The following CDH26 variants were observed in gnomAD, a reference collection of about 807,000 sequenced individuals.
CDH26 encodes cadherin-like protein 26.
A neutral mutation model predicts 90.3 loss-of-function variants in CDH26; 83 were observed. The ratio of observed to expected loss-of-function variants is 0.92; its 90% CI spans 0.77 to 1.10. The LOEUF is 1.10. CDH26 is among the 50% of genes least tolerant of loss of function. The pLI, the probability that CDH26 is intolerant of heterozygous loss-of-function variation, is 0.00. For synonymous variants in CDH26, 397 were observed against 396.3 expected, an observed-to-expected ratio of 1.00 and a Z score of -0.02; for missense variants, 1,013 against 1,037.6, an observed-to-expected ratio of 0.98 and a Z score of 0.33.
intron 1 of CDH26, among the ~76,000 whole-genome samples, chr20:59,967,837 CT>C (rs2061173645): frequency 1.3e-5 from 1 of 76,012 alleles, no homozygotes; most frequent in Non-Finnish European, 2.2e-5. Flanking sequence ...TTCTTTCTTT[CT>C]TTCTTTCTTT....
intron 14 of CDH26, 45 bp from the exon 15 acceptor site, chr20:60,001,298 A>G (rs2061673749): frequency 6.2e-7 from 1 of 1,612,274 alleles, no homozygotes; most frequent in Non-Finnish European, 8.5e-7. Flanking sequence ...TTCCAGCTGG[A>G]GAGAAATCCA....
chr20:60,013,934 T>A lies in CDH26; in HGVS notation c.*1204T>A, dbSNP rs1351082654. On this transcript the variant is annotated 3_prime_UTR_variant, in exon 18 of 18. Transcript: ENST00000348616. ...GGAATGTCTGAATGGGACGCTTGAATGTGTAGAACAGCTGTACTGATCCTA... is the reference window on the plus strand; with the variant it reads ...GGAATGTCTGAATGGGACGCTTGAAAGTGTAGAACAGCTGTACTGATCCTA... 2 of 152,076 alleles carry A rather than the reference T, an allele frequency of 1.3e-5. No homozygotes were observed. Among genetic ancestry groups the A allele is most frequent in the African/African-American group, 2.4e-5 (1 of 41,412 alleles). 9.4% of individuals were successfully genotyped at this position (152,076 alleles called of 1,614,324 possible).
intron 17 of CDH26, among the ~76,000 whole-genome samples, chr20:60,008,252 G>C (rs1368724092): frequency 6.6e-6 from 1 of 152,192 alleles, no homozygotes; most frequent in Non-Finnish European, 1.5e-5. Context: ...CTTTGTTGTA[G>C]ACTCTGTTCT....
chr20:59,991,775 C>T (rs2061530811), intron 9 of CDH26, among the ~76,000 whole-genome samples: 3 of 152,140 alleles, frequency 2.0e-5, no homozygotes. Flanking sequence ...GCGGTGCCCT[C>T]AACAGGTAGC....
intron 1 of CDH26, among the ~76,000 whole-genome samples, chr20:59,967,845 CT>C (rs2061174617): frequency 1.1e-5 from 1 of 89,074 alleles, no homozygotes; most frequent in Non-Finnish European, 2.0e-5. Flanking sequence ...TTCTTTCTTT[CT>C]TTCTTTCTTT....
At chr20:59,963,859 A>G (rs532845150) in intron 1 of CDH26, among the ~76,000 whole-genome samples, 1 of 142,664 alleles carries the variant, frequency 7.0e-6, no homozygotes, top group African/African-American at 2.6e-5. Context: ...ATCCAAAAAT[A>G]AAAAAAAAAA....
chr20:59,984,640 G>C lies in CDH26; in HGVS notation c.543G>C (p.Gly181=). Residue 181 remains glycine (G), a splice_region_variant and synonymous_variant, in exon 6 of 18, where the codon GGG becomes GGC. Transcript: ENST00000348616. Reference sequence around the variant, plus strand: ...ACAATTTTTAAAAATTCTTTCTAGGGCAACCTATTTTTCAGATGTTAGCAG... The same window carrying C: ...ACAATTTTTAAAAATTCTTTCTAGGCCAACCTATTTTTCAGATGTTAGCAG... The part of the protein sequence containing the change: ...NITVQENQSA[G]QPIFQMLAVD... 1 of 1,606,356 alleles carries C rather than the reference G, an allele frequency of 6.2e-7. No individual in the cohort carries two copies. The highest frequency in any genetic ancestry group is 1.1e-5 in the South Asian group (1 of 89,298).
rs1601124650 is a variant in CDH26 at position 59,980,375 on chromosome 20, A to G, written c.394-2548A>G. On this transcript the variant is annotated intron_variant, in intron 4 of 17. Coordinates refer to ENST00000348616, the MANE Select transcript of CDH26 (RefSeq NM_177980.4). Reference sequence around the variant, plus strand: ...AATGGCGCAATCTCAGTTCACTGCAACCTCCACCTTCTGGGTGCAAGCAAT... The same window carrying G: ...AATGGCGCAATCTCAGTTCACTGCAGCCTCCACCTTCTGGGTGCAAGCAAT... 1.3e-5 allele frequency among the ~76,000 whole-genome samples: 2 copies of G among 151,394 alleles called. 1 individual carries two copies. Among genetic ancestry groups the G allele is most frequent in the Middle Eastern group, 6.8e-3 (2 of 294 alleles).
At chr20:60,009,659 T>C (rs957988167) in intron 17 of CDH26, among the ~76,000 whole-genome samples, 7 of 152,082 alleles carry the variant, frequency 4.6e-5, no homozygotes, top group African/African-American at 1.7e-4. Flanking sequence ...TGTTCTTTCC[T>C]TGTGAGCCCT....
In CDH26 at chr20:59,995,950, G is replaced by A; in HGVS notation, c.1784G>A (p.Cys595Tyr). ...AAGCAAACTGTCCATGTAAGGATCT[G>A]CCCCTGTGCCAGTGGGCTCACATGT... ...SQKQTVHVRICPCASGLTCVE... is the reference protein window; with the variant it reads ...SQKQTVHVRIYPCASGLTCVE... The change falls in exon 12 of 18, where the codon TGC (cysteine) becomes TAC (tyrosine). Residue 595 changes from cysteine to tyrosine, a missense_variant. Cys to Tyr is a radical substitution (Grantham distance 194, BLOSUM62 -2). Coordinates refer to ENST00000348616, the MANE Select transcript of CDH26 (RefSeq NM_177980.4). 1 of 1,614,234 alleles carries A rather than the reference G, an allele frequency of 6.2e-7. No homozygotes were observed. The highest frequency in any genetic ancestry group is 1.3e-5 in the African/African-American group (1 of 75,062).
At chr20:60,010,145 C>A (rs570246844) in intron 17 of CDH26, among the ~76,000 whole-genome samples, 2 of 152,146 alleles carry the variant, frequency 1.3e-5, no homozygotes, top group Non-Finnish European at 2.9e-5. Flanking sequence ...CTCCTGAGAA[C>A]CAGAGGAAGC....
intron 9 of CDH26, among the ~76,000 whole-genome samples, chr20:59,990,857 A>G (rs1334027281): frequency 6.7e-6 from 1 of 149,500 alleles, no homozygotes; most frequent in Non-Finnish European, 1.5e-5. Flanking sequence ...CACCCCTACA[A>G]TTTCTTTTCT....
chr20:59,997,208 G>A (rs1441188613), intron 13 of CDH26, among the ~76,000 whole-genome samples: 2 of 152,266 alleles, frequency 1.3e-5, no homozygotes, highest in African/African-American at 4.8e-5. Flanking sequence ...ATGGGATTGT[G>A]TTAGGCTCAC....
At chr20:59,998,652 T>A (rs1360318434) in intron 13 of CDH26, among the ~76,000 whole-genome samples, 2 of 152,206 alleles carry the variant, frequency 1.3e-5, no homozygotes, top group Non-Finnish European at 2.9e-5. Context: ...ATCTTAGGGC[T>A]CTGAGAAGTG....
At chr20:59,965,362 G>T (rs927797428) in intron 1 of CDH26, among the ~76,000 whole-genome samples, 3 of 152,120 alleles carry the variant, frequency 2.0e-5, no homozygotes, top group African/African-American at 7.2e-5. Flanking sequence ...GCTTATGTGG[G>T]TTATATTTGC....
intron 7 of CDH26, among the ~76,000 whole-genome samples, chr20:60,023,965 G>GAA (rs1469559836): frequency 8.3e-6 from 1 of 120,836 alleles, no homozygotes; most frequent in South Asian, 2.5e-4. Context: ...CAGAGGGAGA[G>GAA]AGAGAGAGAG....
chr20:60,025,816 A>G (rs6100688), intron 7 of CDH26, among the ~76,000 whole-genome samples: 1 of 152,220 alleles, frequency 6.6e-6, no homozygotes, highest in African/African-American at 2.4e-5. Context: ...TAGACTGCCA[A>G]GCACTGACTC....
intron 8 of CDH26, 135 bp downstream of exon 8, chr20:59,987,773 C>T: frequency 1.5e-6 from 1 of 660,538 alleles, no homozygotes; most frequent in Non-Finnish European, 2.4e-6. Flanking sequence ...CCACACGTCA[C>T]CAGGCAAGGA....
intron 9 of CDH26, among the ~76,000 whole-genome samples, chr20:59,990,078 G>T (rs2061510020): frequency 6.6e-6 from 1 of 152,178 alleles, no homozygotes; most frequent in Non-Finnish European, 1.5e-5. Context: ...CTCTGAGTTT[G>T]ATGACTCCAG....
Sources: allele counts gnomAD v4.1 joint callset (sites outside exome capture counted in the v4.1 genomes callset), GRCh38; gene constraint gnomAD v4.1.1; transcripts MANE v1.5; gene names NCBI Gene and HGNC (gene_info 2026-07-23, HGNC 2026-07-21).